Variants in KYNU observed in about 807,000 individuals in gnomAD.
KYNU encodes L-kynurenine hydrolase.
A neutral mutation model predicts 59.2 loss-of-function variants in KYNU; 54 were observed. The observed-to-expected ratio is 0.91, with a 90% CI of 0.73 to 1.14. The LOEUF (loss-of-function observed/expected upper bound fraction) is 1.14, where lower values mean the gene tolerates loss of function less well. Among genes scored for constraint, KYNU ranks in the 50% most tolerant of loss-of-function variants. The pLI is 0.00. For missense variants in KYNU, 567 were observed against 554.4 expected (o/e 1.02, Z -0.23); for synonymous variants, 177 against 192.0 (o/e 0.92, Z 0.65).
In KYNU at chr2:143,053,612, T is replaced by A. The variant is rs1173124094; in HGVS notation, c.*11440T>A. 1 of 152,258 alleles carries A rather than the reference T, an allele frequency of 6.6e-6. No individual in the cohort carries two copies. The highest frequency in any genetic ancestry group is 2.1e-4 in the South Asian group (1 of 4,822). The allele number at this position is 152,258 out of a possible 1,614,324, so 9.4% of individuals were successfully genotyped here. ...TTCTCATGATGGTGAGTAAGTCTCA[T>A]GAGATCTGATGGTTTTATAAAGGGG... On this transcript the variant is annotated 3_prime_UTR_variant, in exon 14 of 14. Coordinates refer to ENST00000264170, the MANE Select transcript of KYNU (RefSeq NM_003937.3).
chr2:142,908,936 A>G (rs1243347434), intron 2 of KYNU, among the ~76,000 whole-genome samples: 1 of 152,174 alleles, frequency 6.6e-6, no homozygotes, highest in African/African-American at 2.4e-5. Flanking sequence ...GCCCAGCCAA[A>G]ATGATCTATT....
intron 4 of KYNU, among the ~76,000 whole-genome samples, chr2:142,933,237 G>T (rs1394210889): frequency 1.3e-5 from 2 of 152,204 alleles, no homozygotes; most frequent in Non-Finnish European, 2.9e-5. Flanking sequence ...TGAAGGGTGG[G>T]TCCTTTAGAC....
At chr2:143,017,978 A>G (rs1686308879) in intron 10 of KYNU, among the ~76,000 whole-genome samples, 1 of 151,854 alleles carries the variant, frequency 6.6e-6, no homozygotes, top group African/African-American at 2.4e-5. Flanking sequence ...TATTTTGCCC[A>G]TATTTTAGTG....
chr2:142,963,761 T>C (rs564879957), intron 8 of KYNU, among the ~76,000 whole-genome samples: 1 of 152,226 alleles, frequency 6.6e-6, no homozygotes, highest in African/African-American at 2.4e-5. Context: ...GAACTTTATA[T>C]AAATGCATTA....
At chr2:143,001,493 A>G (rs952799621) in intron 10 of KYNU, among the ~76,000 whole-genome samples, 1 of 152,226 alleles carries the variant, frequency 6.6e-6, no homozygotes, top group Non-Finnish European at 1.5e-5. Context: ...AGTAACAAGT[A>G]TCAACTGTAG....
chr2:143,036,435 CAAAG>C (rs940949095), intron 12 of KYNU, among the ~76,000 whole-genome samples: 49 of 151,960 alleles, frequency 3.2e-4, no homozygotes, highest in African/African-American at 1.1e-3. Context: ...TAGAGGGTAA[CAAAG>C]GAAGGAGGAA....
At chr2:142,893,504 A>T (rs1337604860) in intron 2 of KYNU, among the ~76,000 whole-genome samples, 1 of 152,244 alleles carries the variant, frequency 6.6e-6, no homozygotes, top group African/African-American at 2.4e-5. Context: ...TCTAGATGTC[A>T]TTGAAGGAGT....
intron 10 of KYNU, among the ~76,000 whole-genome samples, chr2:143,002,312 T>C (rs978317920): frequency 4.6e-5 from 7 of 152,208 alleles, no homozygotes; most frequent in African/African-American, 1.7e-4. Context: ...AAATAAAACA[T>C]TAATAAAACC....
chr2:142,955,171 A>G (rs549007766), intron 5 of KYNU, among the ~76,000 whole-genome samples: 32 of 152,118 alleles, frequency 2.1e-4, no homozygotes, highest in Non-Finnish European at 4.1e-4. Context: ...GTGATGTACA[A>G]TGCTAGCAAA....
At chr2:142,962,353 C>G (rs1031019152) in intron 8 of KYNU, among the ~76,000 whole-genome samples, 1 of 152,124 alleles carries the variant, frequency 6.6e-6, no homozygotes, top group South Asian at 2.1e-4. Flanking sequence ...TAACAGCACC[C>G]ACCTTACAGG....
At chr2:142,937,123 G>A (rs1683417258) in intron 4 of KYNU, among the ~76,000 whole-genome samples, 1 of 152,090 alleles carries the variant, frequency 6.6e-6, no homozygotes, top group South Asian at 2.1e-4. Flanking sequence ...CGATCTTCAG[G>A]AGTATGTGTC....
chr2:142,974,715 CCTT>C (rs1263944624), intron 8 of KYNU, among the ~76,000 whole-genome samples: 3 of 152,236 alleles, frequency 2.0e-5, no homozygotes, highest in South Asian at 4.2e-4. Flanking sequence ...TAAAGGCTCT[CCTT>C]CTTGTGAAAT....
chr2:142,981,836 G>C (rs1685059903), intron 8 of KYNU, among the ~76,000 whole-genome samples: 1 of 152,020 alleles, frequency 6.6e-6, no homozygotes, highest in Admixed American at 6.6e-5. Flanking sequence ...TAGGGTAGAG[G>C]TAAGCACATC....
chr2:142,909,015 AAT>A (rs1682392185), intron 2 of KYNU, among the ~76,000 whole-genome samples: 1 of 152,218 alleles, frequency 6.6e-6, no homozygotes, highest in East Asian at 1.9e-4. Context: ...GTAACATATC[AAT>A]ATATGTATGA....
intron 8 of KYNU, among the ~76,000 whole-genome samples, chr2:142,976,010 G>C (rs551200127): frequency 6.6e-6 from 1 of 152,092 alleles, no homozygotes; most frequent in Non-Finnish European, 1.5e-5. Context: ...GCTGGGGCTC[G>C]TCATGGGTGG....
intron 8 of KYNU, among the ~76,000 whole-genome samples, chr2:142,968,392 A>AATAAT (rs1468541533): frequency 6.6e-6 from 1 of 152,188 alleles, no homozygotes; most frequent in African/African-American, 2.4e-5. Context: ...TAGAAAAGGG[A>AATAAT]GGACAAGTCT....
intron 2 of KYNU, among the ~76,000 whole-genome samples, chr2:142,914,069 G>C (rs1240116410): frequency 2.0e-5 from 3 of 152,234 alleles, no homozygotes; most frequent in African/African-American, 7.2e-5. Flanking sequence ...TCCAAGGCCT[G>C]TGCGGCTCCA....
chr2:142,956,076 C>T, intron 5 of KYNU, 127 bp from the exon 6 acceptor site: 1 of 600,954 alleles, frequency 1.7e-6, no homozygotes. Flanking sequence ...TCCTGACAAA[C>T]ACTTAAGATG....
chr2:142,881,770 T>C (rs530631323), intron 1 of KYNU, among the ~76,000 whole-genome samples: 3 of 152,124 alleles, frequency 2.0e-5, no homozygotes, highest in Non-Finnish European at 4.4e-5. Flanking sequence ...TTTTAAACAG[T>C]CATGCTCTGT....
Sources: gnomAD v4.1 joint callset for allele counts (sites outside exome capture counted in the v4.1 genomes callset) on GRCh38, gnomAD v4.1.1 for gene constraint, MANE v1.5 for transcripts, NCBI Gene and HGNC (gene_info 2026-07-23, HGNC 2026-07-21) for gene names.